Variants in ABL2 observed in about 807,000 individuals in gnomAD.
ABL2 encodes the protein tyrosine-protein kinase ABL2.
In ABL2, 49 loss-of-function variants were observed where a neutral mutation model predicts 107.7. The observed-to-expected ratio is 0.45, with a 90% CI of 0.36 to 0.58. The LOEUF (loss-of-function observed/expected upper bound fraction) is 0.58, where lower values mean the gene tolerates loss of function less well. ABL2 is among the 20% of genes least tolerant of loss of function. The pLI is 0.00. For synonymous variants in ABL2, 549 were observed against 548.6 expected (o/e 1.00, Z -0.01); for missense variants, 1,245 against 1,457.0 (o/e 0.85, Z 2.37).
intron 1 of ABL2, among the ~76,000 whole-genome samples, chr1:179,176,541 A>T (rs1660055558): frequency 6.6e-6 from 1 of 152,166 alleles, no homozygotes; most frequent in Admixed American, 6.5e-5. Flanking sequence ...CTCCTTTTTA[A>T]CTATATGCAT....
chr1:179,128,196 G>T (rs1018232343), intron 3 of ABL2, among the ~76,000 whole-genome samples: 1 of 152,026 alleles, frequency 6.6e-6, no homozygotes, highest in Non-Finnish European at 1.5e-5. Flanking sequence ...ACATGGATAT[G>T]AGATAATGAG....
intron 2 of ABL2, among the ~76,000 whole-genome samples, chr1:179,131,795 G>A (rs920455649): frequency 6.6e-6 from 1 of 152,160 alleles, no homozygotes; most frequent in Non-Finnish European, 1.5e-5. Context: ...ATGGAAAAAA[G>A]AATCTCAAAG....
In ABL2 at chr1:179,107,737, C is replaced by T. The variant is rs752602354; in HGVS notation, c.3530G>A (p.Ser1177Asn). The T allele has an allele frequency of 1.2e-6, 2 of 1,610,514 alleles. No individual in the cohort carries two copies. Among genetic ancestry groups the T allele is most frequent in the East Asian group, 2.2e-5 (1 of 44,820 alleles). The change falls in exon 12 of 12, where the codon AGT becomes AAT. Residue 1177 changes from serine to asparagine, a missense_variant. Around this residue, in one of 3 missense-constraint regions of ABL2, gnomAD observed 761 missense variants for 766.4 expected, o/e 0.99. Transcript: ENST00000502732. ...CAGTGGCTACCTCTGCACCACATCA[C>T]TGATTTCCTGTACACATGACAATAA... ...NNLLSCVQEISDVVQR is the reference protein window; with the variant it reads ...NNLLSCVQEINDVVQR
intron 3 of ABL2, among the ~76,000 whole-genome samples, chr1:179,128,398 TTC>T (rs1000964753): frequency 2.6e-5 from 4 of 152,192 alleles, no homozygotes; most frequent in Admixed American, 1.3e-4. Flanking sequence ...TCTGTAGCTT[TTC>T]TCTGTTAGTC....
At chr1:179,198,781 G>A (rs1244537063) in intron 1 of ABL2, among the ~76,000 whole-genome samples, 2 of 146,782 alleles carry the variant, frequency 1.4e-5, no homozygotes, top group African/African-American at 5.1e-5. Flanking sequence ...TTTCAAACAT[G>A]AAAACATGAA....
At chr1:179,187,482 T>C (rs1660737691) in intron 1 of ABL2, among the ~76,000 whole-genome samples, 1 of 152,180 alleles carries the variant, frequency 6.6e-6, no homozygotes, top group African/African-American at 2.4e-5. Flanking sequence ...TTGTCAAAAC[T>C]GTGCAACACA....
At chr1:179,194,052 A>C (rs1661170986) in intron 1 of ABL2, among the ~76,000 whole-genome samples, 1 of 152,144 alleles carries the variant, frequency 6.6e-6, no homozygotes, top group Admixed American at 6.5e-5. Flanking sequence ...CAGTTTTTTG[A>C]CTTACTAATC....
Position 179,134,902 on chromosome 1 carries a change from G to A in ABL2, c.158-1528C>T, listed in dbSNP as rs6662792. The stretch of plus-strand genomic sequence containing the variant: ...GCACCGCCACGCCTGACTGGTTTTC[G>A]TATTTTTTTGGTGGAGACGGGGTTT... On this transcript the variant is annotated intron_variant, in intron 1 of 11. Coordinates refer to ENST00000502732, the MANE Select transcript of ABL2 (RefSeq NM_007314.4). 5.8e-3 allele frequency among the ~76,000 whole-genome samples: 882 copies of A among 152,340 alleles called. 9 individuals carry two copies. The highest frequency in any genetic ancestry group is 0.019 in the African/African-American group (803 of 41,574).
intron 1 of ABL2, among the ~76,000 whole-genome samples, chr1:179,134,699 T>C (rs72709461): frequency 0.1 from 14,436 of 139,234 alleles, 834 homozygotes; most frequent in East Asian, 0.26. Context: ...TAGGTGAAAA[T>C]TGCAGCCTCA....
At chr1:179,120,841 T>C (rs1269397929) in intron 5 of ABL2, among the ~76,000 whole-genome samples, 1 of 152,312 alleles carries the variant, frequency 6.6e-6, no homozygotes, top group Admixed American at 6.5e-5. Context: ...GAGCCCTGTA[T>C]TGGATAGTTC....
chr1:179,120,382 A>G lies in ABL2; in HGVS notation c.961-108T>C, dbSNP rs530900757. On this transcript the variant is annotated intron_variant, in intron 5 of 11. Coordinates refer to ENST00000502732, the MANE Select transcript of ABL2 (RefSeq NM_007314.4). ...TAAAGCTTCAGCTTTAAAAGTAAAAACTATCTTTTGAATATTTTAGCATAT... is the reference window on the plus strand; with the variant it reads ...TAAAGCTTCAGCTTTAAAAGTAAAAGCTATCTTTTGAATATTTTAGCATAT... 57 of 584,832 alleles carry G rather than the reference A, an allele frequency of 9.7e-5. No individual in the cohort carries two copies. In the East Asian group the frequency reaches 1.7e-3, roughly 18 times the overall value. 36.2% of individuals were successfully genotyped at this position (584,832 alleles called of 1,614,324 possible).
chr1:179,218,871 C>T (rs61821690), intron 1 of ABL2, among the ~76,000 whole-genome samples: 32,886 of 152,184 alleles, frequency 0.22, 4,497 homozygotes, highest in East Asian at 0.35. Flanking sequence ...AAGCTCTCCA[C>T]GCTCAAGTTT....
chr1:179,217,524 G>A (rs1338481814), intron 1 of ABL2, among the ~76,000 whole-genome samples: 1 of 151,402 alleles, frequency 6.6e-6, no homozygotes, highest in African/African-American at 2.4e-5. Context: ...TACTCGGGAG[G>A]CTGAGGCAGG....
Position 179,105,811 on chromosome 1 carries a change from A to C in ABL2, c.*1907T>G. 1 of 225,150 alleles carries C rather than the reference A, an allele frequency of 4.4e-6. No homozygotes were observed. The highest frequency in any genetic ancestry group is 8.8e-6 in the Non-Finnish European group (1 of 113,028). The allele number at this position is 225,150 out of a possible 1,614,324, so 13.9% of individuals were successfully genotyped here. On this transcript the variant is annotated 3_prime_UTR_variant, in exon 12 of 12. Coordinates refer to ENST00000502732, the MANE Select transcript of ABL2 (RefSeq NM_007314.4). ...AACATAGTTTTCCCCTTAGTATTCT[A>C]GCCCAATTCATATAATCTCAACAAT...
At chr1:179,220,011 G>C (rs2124855780) in intron 1 of ABL2, among the ~76,000 whole-genome samples, 1 of 152,324 alleles carries the variant, frequency 6.6e-6, no homozygotes, top group South Asian at 2.1e-4. Flanking sequence ...TCAACAACCT[G>C]TTGTGAGGGA....
intron 1 of ABL2, among the ~76,000 whole-genome samples, chr1:179,157,124 C>T (rs2102743444): frequency 6.6e-6 from 1 of 152,190 alleles, no homozygotes; most frequent in Admixed American, 6.5e-5. Flanking sequence ...CTAAAATGCT[C>T]CAAAATCTGA....
intron 1 of ABL2, among the ~76,000 whole-genome samples, chr1:179,205,541 A>G (rs986930583): frequency 6.6e-6 from 1 of 152,214 alleles, no homozygotes; most frequent in Non-Finnish European, 1.5e-5. Context: ...CCAGCTTTCT[A>G]GAACGATGGT....
At position 179,105,494 on chromosome 1, in the gene ABL2, A is replaced by G. The variant is rs1224773310; in HGVS notation, c.*2224T>C. 1 of 229,634 alleles carries G rather than the reference A, an allele frequency of 4.4e-6. No individual in the cohort carries two copies. Among genetic ancestry groups the G allele is most frequent in the Non-Finnish European group, 8.6e-6 (1 of 115,816 alleles). 14.2% of individuals were successfully genotyped at this position (229,634 alleles called of 1,614,324 possible). ...TTCAAGTTTACGGACATGTATGATG[A>G]GCAAGAATGGCAGGAAAGAAGGTGG... On this transcript the variant is annotated 3_prime_UTR_variant, in exon 12 of 12. Transcript: ENST00000502732.
rs146698174 is a variant in ABL2, at chr1:179,227,790, C to T, written c.157+1451G>A. ...ACATGTGGCCAGGCGCAGTGCCTCA[C>T]GCCTGTAATCCCAGCACTTTGGGAG... On this transcript the variant is annotated intron_variant, in intron 1 of 11. Transcript: ENST00000502732. 4.7e-4 allele frequency among the ~76,000 whole-genome samples: 71 copies of T among 152,268 alleles called. No homozygotes were observed. In the East Asian group the frequency reaches 0.013, roughly 29 times the overall value.
Sources: allele counts gnomAD v4.1 joint callset (sites outside exome capture counted in the v4.1 genomes callset), GRCh38; gene constraint gnomAD v4.1.1; regional missense constraint gnomAD v4.1.1; transcripts MANE v1.5; gene names NCBI Gene and HGNC (gene_info 2026-07-23, HGNC 2026-07-21).